RHOBTB1: variants seen among roughly 807,000 people sequenced by gnomAD.
RHOBTB1 encodes rho-related BTB domain-containing protein 1.
RHOBTB1 carries 40 observed loss-of-function variants against 71.6 expected under a neutral mutation model. The observed-to-expected ratio is 0.56, with a 90% CI of 0.43 to 0.73. The LOEUF (loss-of-function observed/expected upper bound fraction) is 0.73. RHOBTB1 is among the 30% of genes least tolerant of loss of function. RHOBTB1 has a pLI of 0.00. For synonymous variants in RHOBTB1, 319 were observed against 334.9 expected, an observed-to-expected ratio of 0.95 and a Z score of 0.52; for missense variants, 797 against 894.0, an observed-to-expected ratio of 0.89 and a Z score of 1.38.
chr10:60,917,349 C>T (rs752424942), intron 2 of RHOBTB1, among the ~76,000 whole-genome samples: 1 of 152,118 alleles, frequency 6.6e-6, no homozygotes, highest in Non-Finnish European at 1.5e-5. Flanking sequence ...CAAAAGCTTT[C>T]CTAACTATCC....
intron 2 of RHOBTB1, among the ~76,000 whole-genome samples, chr10:60,984,660 TTTAAG>T (rs1167874225): frequency 1.3e-5 from 2 of 152,226 alleles, no homozygotes; most frequent in African/African-American, 2.4e-5. Flanking sequence ...AATTTTATTC[TTTAAG>T]TTATTTATGC....
upstream of RHOBTB1, among the ~76,000 whole-genome samples, chr10:60,946,425 TG>T (rs552923422): frequency 4.6e-5 from 7 of 152,108 alleles, no homozygotes; most frequent in South Asian, 1.2e-3. Flanking sequence ...CCCTCATATG[TG>T]GGGGGGCACA....
intron 7 of RHOBTB1, among the ~76,000 whole-genome samples, chr10:60,879,536 G>A (rs924785939): frequency 6.6e-6 from 1 of 151,392 alleles, no homozygotes. Context: ...TAGAAATGGC[G>A]GGCTTGCTAT....
At chr10:60,937,811 T>A (rs1240791294) in intron 2 of RHOBTB1, among the ~76,000 whole-genome samples, 3 of 152,152 alleles carry the variant, frequency 2.0e-5, no homozygotes, top group African/African-American at 4.8e-5. Flanking sequence ...ACAAAAATGA[T>A]ACAACTGCCT....
chr10:60,892,731 A>C, intron 5 of RHOBTB1, 79 bp downstream of exon 5: 3 of 1,267,292 alleles, frequency 2.4e-6, no homozygotes, highest in Non-Finnish European at 3.3e-6. Flanking sequence ...GAAGAGCAGA[A>C]CACCAGGCTA....
intron 1 of RHOBTB1, among the ~76,000 whole-genome samples, chr10:60,990,724 G>A (rs908406647): frequency 1.3e-5 from 2 of 152,060 alleles, no homozygotes; most frequent in Non-Finnish European, 2.9e-5. Context: ...GGGCCATTAT[G>A]GGTTTGATTT....
intron 1 of RHOBTB1, among the ~76,000 whole-genome samples, chr10:60,942,610 C>G (rs564427747): frequency 6.6e-6 from 1 of 152,168 alleles, no homozygotes; most frequent in Admixed American, 6.5e-5. Flanking sequence ...GAGCAGAATG[C>G]AGACATTATT....
chr10:60,867,068 A>G (rs1383833208), downstream of RHOBTB1, among the ~76,000 whole-genome samples: 1 of 152,184 alleles, frequency 6.6e-6, no homozygotes, highest in African/African-American at 2.4e-5. Context: ...GGTACTTGGC[A>G]TATGGGTGCC....
intron 4 of RHOBTB1, among the ~76,000 whole-genome samples, chr10:60,904,654 C>G (rs986827175): frequency 6.6e-6 from 1 of 152,174 alleles, no homozygotes; most frequent in African/African-American, 2.4e-5. Flanking sequence ...CAAAGTGGGG[C>G]CAGAGGACCA....
At chr10:60,927,759 G>A (rs577311795) in intron 2 of RHOBTB1, among the ~76,000 whole-genome samples, 38 of 152,168 alleles carry the variant, frequency 2.5e-4, no homozygotes, top group Non-Finnish European at 4.3e-4. Flanking sequence ...ACGATGAAAC[G>A]ATTATAAGAA....
chr10:60,912,614 A>G (rs2133439215), intron 2 of RHOBTB1, among the ~76,000 whole-genome samples: 1 of 152,342 alleles, frequency 6.6e-6, no homozygotes, highest in South Asian at 2.1e-4. Context: ...GAAATCTGGA[A>G]CATATGGCAA....
At chr10:60,915,553 A>G (rs2083227366) in intron 2 of RHOBTB1, among the ~76,000 whole-genome samples, 1 of 152,198 alleles carries the variant, frequency 6.6e-6, no homozygotes, top group Non-Finnish European at 1.5e-5. Flanking sequence ...TTTCACCAGT[A>G]CCCGATGAAT....
At chr10:60,987,487 T>C (rs897572740) in intron 1 of RHOBTB1, among the ~76,000 whole-genome samples, 2 of 152,170 alleles carry the variant, frequency 1.3e-5, no homozygotes, top group Admixed American at 6.5e-5. Flanking sequence ...GATTAGATTA[T>C]GGCCACCTTG....
At chr10:60,883,050 G>A (rs568453129) in intron 7 of RHOBTB1, among the ~76,000 whole-genome samples, 7 of 152,252 alleles carry the variant, frequency 4.6e-5, no homozygotes, top group African/African-American at 7.2e-5. Context: ...CTTCCCCAAC[G>A]TCAAGCTGAG....
At position 60,933,796 on chromosome 10, in the gene RHOBTB1, C is replaced by A. The variant is rs989403704; in HGVS notation, c.-11+8008G>T. ...ACACAGGAGATGGATTAAAAAAAAACTAATATATGTCCATCAAAAATGTGT... is the reference window on the plus strand; with the variant it reads ...ACACAGGAGATGGATTAAAAAAAAAATAATATATGTCCATCAAAAATGTGT... On this transcript the variant is annotated intron_variant, in intron 2 of 10. Coordinates refer to ENST00000337910, the MANE Select transcript of RHOBTB1 (RefSeq NM_014836.5). 2.0e-5 allele frequency among the ~76,000 whole-genome samples: 3 copies of A among 151,568 alleles called. No homozygotes were observed. The East Asian group carries it at 5.8e-4, about 29-fold the overall frequency.
chr10:60,992,710 A>G (rs2134980821), intron 1 of RHOBTB1, among the ~76,000 whole-genome samples: 1 of 152,336 alleles, frequency 6.6e-6, no homozygotes. Flanking sequence ...GTAAATTAGA[A>G]TAGTATCAGT....
chr10:60,889,082 T>C lies in RHOBTB1; in HGVS notation c.586A>G (p.Ile196Val), dbSNP rs1346079876. ...ATTGCATTGTCAAACACATCCTTGA[T>C]ACCAAACTGGTCAAACACGCTTGTT... is the stretch of plus-strand genomic sequence containing the variant. ...YETSVFDQFG[I>V]KDVFDNAIRA... Residue 196 changes from isoleucine to valine, a missense_variant, in exon 6 of 11, where the codon ATC becomes GTC. By Grantham distance (29) the Ile-to-Val change is conservative (BLOSUM62 3). Coordinates refer to ENST00000337910, the MANE Select transcript of RHOBTB1 (RefSeq NM_014836.5). 6.2e-7 allele frequency: 1 copy of C among 1,614,194 alleles called. No individual in the cohort carries two copies. The highest frequency in any genetic ancestry group is 8.5e-7 in the Non-Finnish European group (1 of 1,180,012).
At chr10:60,998,398 A>G (rs931161988) in intron 1 of RHOBTB1, among the ~76,000 whole-genome samples, 7 of 152,246 alleles carry the variant, frequency 4.6e-5, no homozygotes, top group African/African-American at 1.4e-4. Context: ...GTTCTGGCCT[A>G]TGCAGCCTAC....
chr10:60,883,979 C>T (rs149165399), intron 7 of RHOBTB1, among the ~76,000 whole-genome samples: 4 of 152,318 alleles, frequency 2.6e-5, no homozygotes, highest in African/African-American at 9.6e-5. Context: ...TTGACCCAAG[C>T]TCAGGAGAGA....
Sources: gnomAD v4.1 joint callset for allele counts (sites outside exome capture counted in the v4.1 genomes callset) on GRCh38, gnomAD v4.1.1 for gene constraint, MANE v1.5 for transcripts, NCBI Gene and HGNC (gene_info 2026-07-23, HGNC 2026-07-21) for gene names.